Variants in SPNS3 observed in about 807,000 individuals in gnomAD.
The protein encoded by SPNS3 is SPNS lysolipid transporter 3, sphingosine-1-phosphate (putative).
In SPNS3, 51 loss-of-function variants were observed where a neutral mutation model predicts 54.4. That is an observed-to-expected ratio of 0.94 (90% CI 0.75 to 1.18). SPNS3 has a LOEUF of 1.18. SPNS3 is among the 50% of genes most tolerant of loss of function. The probability of loss-of-function intolerance (pLI) is 0.00; values close to 1 mark genes in which losing one functional copy is unlikely to be tolerated. For synonymous variants in SPNS3, 309 were observed against 294.7 expected (o/e 1.05, Z -0.50); for missense variants, 669 against 677.4 (o/e 0.99, Z 0.14).
chr17:4,458,625 C>CTTTCTTTCTTTCTTTCT (rs1567563997), intron 8 of SPNS3, among the ~76,000 whole-genome samples: 19 of 126,666 alleles, frequency 1.5e-4, no homozygotes, highest in African/African-American at 4.9e-4. Flanking sequence ...TTCTTTCTTT[C>CTTTCTTTCTTTCTTTCT]TTTCTTTCTT....
At position 4,486,360 on chromosome 17, in the gene SPNS3, G is replaced by A. The variant is rs1266066923; in HGVS notation, c.1278+34G>A. 2 of 1,597,456 alleles carry A rather than the reference G, an allele frequency of 1.3e-6. No homozygotes were observed. The highest frequency in any genetic ancestry group is 3.5e-5 in the Admixed American group (2 of 56,998). On this transcript the variant is annotated intron_variant, in intron 10 of 11. Coordinates refer to ENST00000355530, the MANE Select transcript of SPNS3 (RefSeq NM_182538.5). This position sits in a 1 kb window ranked among gnomAD's most constrained non-coding sequence, Gnocchi z 5.5. ...TGTCTGCGTGTGTGGGGTGGGGAGG[G>A]TCTGGGGGCCAGGCTGGTGGGCCTG...
At position 4,483,853 on chromosome 17, in the gene SPNS3, C is replaced by T. The variant is rs1189086091; in HGVS notation, c.1180-2375C>T. Among the ~76,000 whole-genome samples the T allele has an allele frequency of 6.6e-6, 1 of 152,126 alleles. No homozygotes were observed. Among genetic ancestry groups the T allele is most frequent in the Non-Finnish European group, 1.5e-5 (1 of 68,018 alleles). ...CACTCTGCCCTGCCCACCACCAAAC[C>T]CCCTGCATCTGTCCCCTGGGATTCT... On this transcript the variant is annotated intron_variant, in intron 9 of 11. Coordinates refer to ENST00000355530, the MANE Select transcript of SPNS3 (RefSeq NM_182538.5). This position sits in a 1 kb window ranked among gnomAD's most constrained non-coding sequence, Gnocchi z 4.2.
intron 9 of SPNS3, among the ~76,000 whole-genome samples, chr17:4,484,163 T>C (rs1157902809): frequency 6.6e-6 from 1 of 152,214 alleles, no homozygotes; most frequent in African/African-American, 2.4e-5. Flanking sequence ...CCCTGTTATT[T>C]CAGGCTGGGT....
chr17:4,439,090 T>A (rs1265416831), intron 1 of SPNS3, among the ~76,000 whole-genome samples: 1 of 152,000 alleles, frequency 6.6e-6, no homozygotes, highest in Non-Finnish European at 1.5e-5. Flanking sequence ...TGTGTGTGAA[T>A]GTCTGTGCCT....
In SPNS3 at chr17:4,444,254, G is replaced by A. The variant is rs1027211541; in HGVS notation, c.266-778G>A. 2.7e-5 allele frequency among the ~76,000 whole-genome samples: 4 copies of A among 149,336 alleles called. No individual in the cohort carries two copies. In the East Asian group the frequency reaches 7.9e-4, roughly 30 times the overall value. On this transcript the variant is annotated intron_variant, in intron 2 of 11. Coordinates refer to ENST00000355530, the MANE Select transcript of SPNS3 (RefSeq NM_182538.5). ...TTTTGAGACCAAGTCTTGCTCTGTC[G>A]CCCAGGCTGGAGTGCAGTGGCGTGA...
chr17:4,449,064 G>T (rs1247365236), intron 6 of SPNS3, among the ~76,000 whole-genome samples, 171 bp from the exon 7 acceptor site: 5 of 152,158 alleles, frequency 3.3e-5, no homozygotes, highest in Non-Finnish European at 5.9e-5. Context: ...CTTCTTCGGA[G>T]CCTCAGTTTG....
At chr17:4,480,322 C>T (rs1270668450) in intron 9 of SPNS3, among the ~76,000 whole-genome samples, 1 of 152,252 alleles carries the variant, frequency 6.6e-6, no homozygotes, top group East Asian at 1.9e-4. Context: ...AAGGGGTAAT[C>T]ACCACCTGCC....
At chr17:4,465,613 G>C (rs573064826) in intron 8 of SPNS3, among the ~76,000 whole-genome samples, 2 of 152,248 alleles carry the variant, frequency 1.3e-5, no homozygotes, top group South Asian at 2.1e-4. Flanking sequence ...TGTAATCCCA[G>C]CTACTTGGAA....
intron 8 of SPNS3, among the ~76,000 whole-genome samples, chr17:4,468,747 T>TTCTTTCTTTCTTTCTTTCTC (rs1567570034): frequency 7.0e-6 from 1 of 142,880 alleles, no homozygotes; most frequent in East Asian, 2.0e-4. Flanking sequence ...CTTTCTTTCT[T>TTCTTTCTTTCTTTCTTTCTC]TCTTTCTTTC....
chr17:4,445,119 T>C lies in SPNS3; in HGVS notation c.353T>C (p.Ile118Thr), dbSNP rs1376227240. Residue 118 changes from isoleucine (I) to threonine (T), a missense_variant, in exon 3 of 12, where the codon ATC becomes ACC. Physicochemically the swap from Ile to Thr is moderately conservative, Grantham distance 89 (BLOSUM62 -1). Coordinates refer to ENST00000355530, the MANE Select transcript of SPNS3 (RefSeq NM_182538.5). ...HSRKATMSFGILLWSGAGLSS... is the reference protein window; with the variant it reads ...HSRKATMSFGTLLWSGAGLSS... ...CGCAAGGCTACCATGAGCTTCGGTATCTTGCTGTGGTCAGGAGCTGGCCTC... is the reference window on the plus strand; with the variant it reads ...CGCAAGGCTACCATGAGCTTCGGTACCTTGCTGTGGTCAGGAGCTGGCCTC... The C allele has an allele frequency of 3.1e-6, 5 of 1,614,194 alleles. No individual in the cohort carries two copies. In the South Asian group the frequency reaches 5.5e-5, roughly 18 times the overall value.
chr17:4,470,226 C>T (rs1444673346), intron 8 of SPNS3, among the ~76,000 whole-genome samples: 10 of 151,874 alleles, frequency 6.6e-5, no homozygotes, highest in African/African-American at 1.5e-4. Context: ...GTCAGGAGTT[C>T]GAGACCAGCC....
chr17:4,455,258 G>A (rs1383046032), intron 8 of SPNS3, among the ~76,000 whole-genome samples: 1 of 152,198 alleles, frequency 6.6e-6, no homozygotes, highest in South Asian at 2.1e-4. Flanking sequence ...CTTGGGAAGA[G>A]GCAGGGCTGT....
intron 8 of SPNS3, among the ~76,000 whole-genome samples, chr17:4,472,134 C>T (rs566400715): frequency 1.4e-3 from 215 of 152,342 alleles, no homozygotes; most frequent in African/African-American, 4.7e-3. Context: ...GTTGGGATTA[C>T]AGGCGTGAGC....
At chr17:4,471,617 C>T (rs1351604372) in intron 8 of SPNS3, among the ~76,000 whole-genome samples, 1 of 151,956 alleles carries the variant, frequency 6.6e-6, no homozygotes, top group African/African-American at 2.4e-5. Context: ...AGGCATGCAC[C>T]ACCACACCCA....
At chr17:4,461,553 C>T (rs913291247) in intron 8 of SPNS3, among the ~76,000 whole-genome samples, 1 of 151,636 alleles carries the variant, frequency 6.6e-6, no homozygotes, top group Admixed American at 6.6e-5. Flanking sequence ...GACCTGGGGG[C>T]AAGGGCAGAA....
At chr17:4,441,409 G>GATC (rs1948822738) in intron 2 of SPNS3, among the ~76,000 whole-genome samples, 2 of 152,260 alleles carry the variant, frequency 1.3e-5, no homozygotes, top group South Asian at 4.1e-4. Flanking sequence ...ACAGTTAGAA[G>GATC]ATCATGGCTT....
intron 8 of SPNS3, among the ~76,000 whole-genome samples, chr17:4,475,502 G>GT (rs1971967292): frequency 6.6e-6 from 1 of 152,224 alleles, no homozygotes; most frequent in South Asian, 2.1e-4. Context: ...AGGAAGGCAT[G>GT]TAGGGACCCC....
chr17:4,468,699 T>C (rs1971751814), intron 8 of SPNS3, among the ~76,000 whole-genome samples: 1 of 151,962 alleles, frequency 6.6e-6, no homozygotes, highest in African/African-American at 2.4e-5. Context: ...GGACCTCTTT[T>C]CTTTATTTCT....
chr17:4,468,245 G>C (rs1165177534), intron 8 of SPNS3, among the ~76,000 whole-genome samples: 1 of 152,046 alleles, frequency 6.6e-6, no homozygotes, highest in Non-Finnish European at 1.5e-5. Context: ...TCAGGAGTTT[G>C]AGACCAGCCT....
Sources: gnomAD v4.1 joint callset for allele counts (sites outside exome capture counted in the v4.1 genomes callset) on GRCh38, gnomAD v4.1.1 for gene constraint, Gnocchi (gnomAD v3.1) non-coding constraint, MANE v1.5 for transcripts, NCBI Gene and HGNC (gene_info 2026-07-23, HGNC 2026-07-21) for gene names.